Variants in KAZN observed in about 807,000 individuals in gnomAD.
KAZN encodes the protein kazrin, periplakin interacting protein.
A neutral mutation model predicts 87.4 loss-of-function variants in KAZN; 40 were observed. The observed-to-expected ratio is 0.46, with a 90% CI of 0.36 to 0.60. The LOEUF (loss-of-function observed/expected upper bound fraction) is 0.60, where lower values mean the gene tolerates loss of function less well. KAZN is among the 20% of genes least tolerant of loss of function. The pLI, the probability that KAZN is intolerant of heterozygous loss-of-function variation, is 0.00. For missense variants in KAZN, 898 were observed against 1,073.9 expected, an observed-to-expected ratio of 0.84 and a Z score of 2.29; for synonymous variants, 466 against 458.3, an observed-to-expected ratio of 1.02 and a Z score of -0.22.
chr1:14,168,862 T>G (rs1645889312), intron 1 of KAZN, among the ~76,000 whole-genome samples: 1 of 152,104 alleles, frequency 6.6e-6, no homozygotes, highest in African/African-American at 2.4e-5. Context: ...GGAAATGCAA[T>G]GATGCATGCA....
At chr1:14,848,090 C>G (rs61772354) in intron 1 of KAZN, among the ~76,000 whole-genome samples, 8,237 of 152,250 alleles carry the variant, frequency 0.054, 325 homozygotes, top group Admixed American at 0.11. Flanking sequence ...ATTTGAGGAC[C>G]AGGCAAGGGA....
Position 14,997,204 on chromosome 1 carries a change from C to CATTTATTTATTT in KAZN, c.418+36370_418+36381dup, listed in dbSNP as rs35436643. 7.4e-5 allele frequency among the ~76,000 whole-genome samples: 9 copies of CATTTATTTATTT among 120,810 alleles called. 1 individual carries two copies. The highest frequency in any genetic ancestry group is 1.2e-4 in the African/African-American group (4 of 32,240). 79.3% of individuals were successfully genotyped at this position (120,810 alleles called of 152,430 possible). A position where few individuals can be genotyped will look rare whatever the true frequency, so the allele number is the denominator to read the frequency against. The stretch of plus-strand genomic sequence containing the variant: ...TCTGTTTTCTTTTCTTTCTTTCTTT[C>CATTTATTTATTT]ATTTATTTATTTATTTATTTATTTA... On this transcript the variant is annotated intron_variant, in intron 2 of 14. Coordinates refer to ENST00000376030, the MANE Select transcript of KAZN (RefSeq NM_201628.3).
At chr1:14,826,550 G>A (rs1195184226) in intron 1 of KAZN, among the ~76,000 whole-genome samples, 2 of 152,154 alleles carry the variant, frequency 1.3e-5, no homozygotes, top group Non-Finnish European at 2.9e-5. Context: ...TTCCCCATGG[G>A]TGTCGCCTCC....
chr1:14,592,013 C>T (rs771108130), intron 2 of KAZN, among the ~76,000 whole-genome samples: 6 of 152,180 alleles, frequency 3.9e-5, no homozygotes, highest in Non-Finnish European at 5.9e-5. Flanking sequence ...GGCCTGCACA[C>T]TTCTCTACGG....
At chr1:14,813,767 A>G (rs1445333451) in intron 1 of KAZN, among the ~76,000 whole-genome samples, 1 of 152,226 alleles carries the variant, frequency 6.6e-6, no homozygotes, top group African/African-American at 2.4e-5. Context: ...TATGTTCTAG[A>G]ATGGCTTGTC....
At chr1:15,001,239 A>C (rs942470790) in intron 2 of KAZN, among the ~76,000 whole-genome samples, 10 of 151,736 alleles carry the variant, frequency 6.6e-5, no homozygotes, top group Non-Finnish European at 1.3e-4. Context: ...ACGCGGGTGG[A>C]TCACTTGAAG....
intron 2 of KAZN, among the ~76,000 whole-genome samples, chr1:14,991,660 G>C (rs1293687807): frequency 6.6e-6 from 1 of 152,198 alleles, no homozygotes; most frequent in African/African-American, 2.4e-5. Context: ...ACATACCCAG[G>C]TACACCTGAG....
intron 1 of KAZN, among the ~76,000 whole-genome samples, chr1:14,907,230 T>C (rs1026654627): frequency 2.7e-5 from 4 of 150,684 alleles, no homozygotes; most frequent in African/African-American, 9.8e-5. Context: ...ACCCCATCTC[T>C]ACCAAAAAAA....
chr1:14,407,446 G>C (rs187267033), intron 2 of KAZN, among the ~76,000 whole-genome samples: 1 of 152,256 alleles, frequency 6.6e-6, no homozygotes, highest in African/African-American at 2.4e-5. Context: ...GTAAATGGGG[G>C]GAAAAAGAGG....
At chr1:14,432,880 A>T (rs1278805306) in intron 2 of KAZN, among the ~76,000 whole-genome samples, 1 of 152,046 alleles carries the variant, frequency 6.6e-6, no homozygotes, top group Non-Finnish European at 1.5e-5. Flanking sequence ...AGCTTCATTG[A>T]TGTCCCTGCA....
intron 2 of KAZN, among the ~76,000 whole-genome samples, chr1:14,371,840 T>A (rs747191537): frequency 1.3e-5 from 2 of 152,192 alleles, no homozygotes; most frequent in Non-Finnish European, 2.9e-5. Context: ...AAGGCAGGGA[T>A]GCACTCCTCA....
chr1:13,916,242 G>A (rs1639846869), intron 1 of KAZN, among the ~76,000 whole-genome samples: 1 of 152,164 alleles, frequency 6.6e-6, no homozygotes. Context: ...TGAAGGGTGA[G>A]GGATATCTCC....
At chr1:14,892,281 C>G (rs915937096) in intron 1 of KAZN, among the ~76,000 whole-genome samples, 1 of 152,112 alleles carries the variant, frequency 6.6e-6, no homozygotes. Context: ...CCCCGGGGCT[C>G]GCCTCCAGCC....
intron 2 of KAZN, among the ~76,000 whole-genome samples, chr1:14,209,065 T>A (rs1344387471): frequency 6.6e-6 from 1 of 152,218 alleles, no homozygotes; most frequent in Non-Finnish European, 1.5e-5. Flanking sequence ...TGCTCCCCTA[T>A]GCCCCCACCA....
chr1:14,914,482 A>G (rs1280295523), intron 1 of KAZN, among the ~76,000 whole-genome samples: 9 of 152,154 alleles, frequency 5.9e-5, no homozygotes, highest in Admixed American at 5.2e-4. Flanking sequence ...CTCTTACTCT[A>G]TTGTTCCAAC....
chr1:14,957,269 C>T (rs1203969448), intron 1 of KAZN, among the ~76,000 whole-genome samples: 1 of 152,166 alleles, frequency 6.6e-6, no homozygotes, highest in African/African-American at 2.4e-5. Flanking sequence ...ATCCTTTGAC[C>T]GTGGGGTCCA....
At chr1:15,013,256 A>G (rs1479291377) in intron 2 of KAZN, among the ~76,000 whole-genome samples, 1 of 152,210 alleles carries the variant, frequency 6.6e-6, no homozygotes, top group Non-Finnish European at 1.5e-5. Context: ...CCCTCATTTT[A>G]GCACTGTGGG....
intron 2 of KAZN, among the ~76,000 whole-genome samples, chr1:14,507,234 C>T (rs1335372946): frequency 6.6e-6 from 1 of 152,156 alleles, no homozygotes; most frequent in Non-Finnish European, 1.5e-5. Flanking sequence ...CATAAGATCC[C>T]TCTCCGAACC....
At chr1:14,811,795 A>G (rs1259897515) in intron 1 of KAZN, among the ~76,000 whole-genome samples, 4 of 152,240 alleles carry the variant, frequency 2.6e-5, no homozygotes, top group African/African-American at 7.2e-5. Context: ...ATGGTGTCCT[A>G]GATTTAATGA....
Sources: gnomAD v4.1 joint callset for allele counts (sites outside exome capture counted in the v4.1 genomes callset) on GRCh38, gnomAD v4.1.1 for gene constraint, MANE v1.5 for transcripts, NCBI Gene and HGNC (gene_info 2026-07-23, HGNC 2026-07-21) for gene names.